THUMPD2: variants seen among roughly 807,000 people sequenced by gnomAD.
THUMPD2 encodes the protein THUMP domain 2 tRNA and snRNA guanosine methyltransferase.
A neutral mutation model predicts 49.4 loss-of-function variants in THUMPD2; 56 were observed. The ratio of observed to expected loss-of-function variants is 1.13; its 90% confidence interval spans 0.91 to 1.41. THUMPD2 has a LOEUF of 1.41. Among genes scored for constraint, THUMPD2 ranks in the 40% most tolerant of loss-of-function variants. The pLI, the probability that THUMPD2 is intolerant of heterozygous loss-of-function variation, is 0.00. For missense variants in THUMPD2, 709 were observed against 594.5 expected, an observed-to-expected ratio of 1.19 and a Z score of -2.00; for synonymous variants, 237 against 205.2, an observed-to-expected ratio of 1.15 and a Z score of -1.32.
chr2:39,766,726 T>C (rs2110672), intron 4 of THUMPD2, among the ~76,000 whole-genome samples: 4,081 of 152,294 alleles, frequency 0.027, 77 homozygotes, highest in South Asian at 0.038. Context: ...ATATTTTAAA[T>C]GCTGTTATGA....
At position 39,770,051 on chromosome 2, in the gene THUMPD2, T is replaced by C. The variant is rs376571029; in HGVS notation, c.331A>G (p.Ile111Val). The change falls in exon 3 of 10, where the codon ATT becomes GTT. Residue 111 changes from isoleucine (I) to valine (V), a missense_variant. Coordinates refer to ENST00000505747, the MANE Select transcript of THUMPD2 (RefSeq NM_025264.5). The stretch of plus-strand genomic sequence containing the variant: ...TCAAGTTCAAGAAGATTTTTCCAAA[T>C]TGAAATGGCATTCAACCAACTTCCT... ...DPGSWLNAIS[I>V]WKNLLELDAK... is the part of the protein sequence containing the mutation. The C allele has an allele frequency of 1.6e-5, 25 of 1,569,022 alleles. No homozygotes were observed. The African/African-American group carries it at 1.8e-4, about 11-fold the overall frequency.
chr2:39,773,508 G>A (rs1572884802), intron 1 of THUMPD2, among the ~76,000 whole-genome samples: 1 of 146,004 alleles, frequency 6.8e-6, no homozygotes, highest in Admixed American at 6.9e-5. Context: ...TTTATCCGAT[G>A]AGCTTTCTCT....
chr2:39,748,120 A>C (rs1674854160), intron 8 of THUMPD2, among the ~76,000 whole-genome samples: 1 of 152,204 alleles, frequency 6.6e-6, no homozygotes, highest in Non-Finnish European at 1.5e-5. Flanking sequence ...TTCACCAAAA[A>C]ATTCAAAAGC....
chr2:39,759,873 T>C (rs1324614524), intron 6 of THUMPD2, among the ~76,000 whole-genome samples: 1 of 152,150 alleles, frequency 6.6e-6, no homozygotes, highest in Non-Finnish European at 1.5e-5. Context: ...CAGTATATCG[T>C]TTAAATACCA....
rs565931304 is a variant in THUMPD2 at position 39,768,432 on chromosome 2, G to T, written c.742C>A (p.Gln248Lys). The change falls in exon 4 of 10, where the codon CAA becomes AAA. Residue 248 changes from glutamine (Q) to lysine (K), a missense_variant. Physicochemically the swap from Gln to Lys is moderately conservative, Grantham distance 53. Transcript: ENST00000505747. ...FGWKADLRNP[Q>K]LEIFIHLNDI... ...AAACAAATACTCATTACCTCTAATT[G>T]TGGATTCCTCAAGTCTGCTTTCCAT... 7 of 1,611,104 alleles carry T rather than the reference G, an allele frequency of 4.3e-6. No individual in the cohort carries two copies. The South Asian group carries it at 6.6e-5, about 15-fold the overall frequency.
chr2:39,750,543 C>G (rs1372132276), intron 8 of THUMPD2, among the ~76,000 whole-genome samples: 1 of 151,646 alleles, frequency 6.6e-6, no homozygotes, highest in African/African-American at 2.4e-5. Context: ...CTTGTCTTTA[C>G]TAAAAATATA....
chr2:39,751,277 T>G (rs758614772), intron 8 of THUMPD2, among the ~76,000 whole-genome samples: 2 of 152,218 alleles, frequency 1.3e-5, no homozygotes, highest in Non-Finnish European at 2.9e-5. Context: ...AACACCTTAT[T>G]ATGCGGTGCT....
chr2:39,763,804 TTGTTTC>T (rs1253925406), intron 5 of THUMPD2, among the ~76,000 whole-genome samples: 2 of 152,210 alleles, frequency 1.3e-5, no homozygotes, highest in African/African-American at 2.4e-5. Flanking sequence ...ACTTCATGGC[TTGTTTC>T]TAATTTTCTA....
At chr2:39,771,424 G>C in intron 2 of THUMPD2, 81 bp downstream of exon 2, 1 of 1,377,522 alleles carries the variant, frequency 7.3e-7, no homozygotes, top group Non-Finnish European at 9.8e-7. Flanking sequence ...AGTGTAAAAT[G>C]GCTACATATT....
chr2:39,751,637 T>C (rs190285101), intron 8 of THUMPD2, among the ~76,000 whole-genome samples: 2 of 151,912 alleles, frequency 1.3e-5, no homozygotes, highest in East Asian at 3.9e-4. Context: ...TTCATAACGA[T>C]TAAAACTTAG....
rs753347859 is a variant in THUMPD2, at chr2:39,768,494, C to T, written c.680G>A (p.Gly227Glu). ...IGKAFTAQEV[G>E]KVIGIAIMKH... ...CATAATAGCAATTCCAATTACTTTT[C>T]CTACCTCCTGGAAAAGTACCAAGTT... Residue 227 changes from glycine to glutamate, a missense_variant, in exon 4 of 10, where the codon GGA becomes GAA. Coordinates refer to ENST00000505747, the MANE Select transcript of THUMPD2 (RefSeq NM_025264.5). 6.2e-7 allele frequency: 1 copy of T among 1,611,410 alleles called. No individual in the cohort carries two copies. Among genetic ancestry groups the T allele is most frequent in the Non-Finnish European group, 8.5e-7 (1 of 1,178,996 alleles).
chr2:39,743,956 G>C (rs1026039308), intron 9 of THUMPD2, among the ~76,000 whole-genome samples: 1 of 151,900 alleles, frequency 6.6e-6, no homozygotes, highest in African/African-American at 2.4e-5. Context: ...CTGTTGTTTA[G>C]TAGCAGAGTG....
chr2:39,756,761 G>A (rs1676186075), intron 6 of THUMPD2, among the ~76,000 whole-genome samples: 1 of 152,122 alleles, frequency 6.6e-6, no homozygotes, highest in South Asian at 2.1e-4. Context: ...AAGAAGACAA[G>A]CATCTGTGGT....
chr2:39,767,313 T>C (rs371582611), intron 4 of THUMPD2, among the ~76,000 whole-genome samples: 1 of 151,978 alleles, frequency 6.6e-6, no homozygotes, highest in Non-Finnish European at 1.5e-5. Flanking sequence ...TGATTAAGAA[T>C]TGGAAAGGGG....
At chr2:39,743,243 T>G (rs917960) in intron 9 of THUMPD2, among the ~76,000 whole-genome samples, 69,648 of 152,074 alleles carry the variant, frequency 0.46, 16,754 homozygotes, top group East Asian at 0.75. Flanking sequence ...GCTAGACAAT[T>G]TAGTATCAAC....
chr2:39,774,410 CTT>C (rs1216888819), intron 1 of THUMPD2, among the ~76,000 whole-genome samples: 3 of 152,218 alleles, frequency 2.0e-5, no homozygotes, highest in African/African-American at 4.8e-5. Context: ...TATAGGAACT[CTT>C]GTTTATTTCA....
intron 8 of THUMPD2, among the ~76,000 whole-genome samples, chr2:39,748,632 G>A (rs1674928036): frequency 1.3e-5 from 2 of 151,892 alleles, no homozygotes; most frequent in African/African-American, 4.8e-5. Context: ...AGGTTGCAGT[G>A]AGCCGAAATT....
At chr2:39,779,002 C>T in intron 1 of THUMPD2, 112 bp downstream of exon 1, 1 of 1,294,478 alleles carries the variant, frequency 7.7e-7, no homozygotes, top group East Asian at 3.2e-5. Context: ...GCGACCGTCG[C>T]GTGGAACAGA....
At position 39,736,900 on chromosome 2, in the gene THUMPD2, A is replaced by G. The variant is rs1673152487; in HGVS notation, c.1347T>C (p.Gly449=). Residue 449 remains glycine (G), a synonymous_variant, in exon 10 of 10, where the codon GGT becomes GGC. Coordinates refer to ENST00000505747, the MANE Select transcript of THUMPD2 (RefSeq NM_025264.5). ...ATGAAGTTGACGCTGTCTTGAATGCACCAGTTTTTTCTTCAGGATTCAAGC... is the reference window on the plus strand; with the variant it reads ...ATGAAGTTGACGCTGTCTTGAATGCGCCAGTTTTTTCTTCAGGATTCAAGC... ...KKCLNPEEKT[G]AFKTASTSFE... The G allele has an allele frequency of 6.2e-7, 1 of 1,614,020 alleles. No individual in the cohort carries two copies. Among genetic ancestry groups the G allele is most frequent in the African/African-American group, 1.3e-5 (1 of 74,900 alleles).
Sources: allele counts gnomAD v4.1 joint callset (sites outside exome capture counted in the v4.1 genomes callset), GRCh38; gene constraint gnomAD v4.1.1; transcripts MANE v1.5; gene names NCBI Gene and HGNC (gene_info 2026-07-23, HGNC 2026-07-21).